Variants in KIF13A observed in about 807,000 individuals in gnomAD.
KIF13A encodes the protein kinesin-like protein KIF13A.
A neutral mutation model predicts 212.2 loss-of-function variants in KIF13A; 79 were observed. The ratio of observed to expected loss-of-function variants is 0.37; its 90% CI spans 0.31 to 0.45. The LOEUF (loss-of-function observed/expected upper bound fraction) is 0.45, where lower values mean the gene tolerates loss of function less well. Among genes scored for constraint, KIF13A ranks in the 20% least tolerant of loss-of-function variants. The pLI is 1.00. For synonymous variants in KIF13A, 789 were observed against 808.6 expected, an observed-to-expected ratio of 0.98 and a Z score of 0.41; for missense variants, 1,901 against 2,209.0, an observed-to-expected ratio of 0.86 and a Z score of 2.79.
chr6:17,938,849 G>A (rs1300079436), intron 2 of KIF13A, among the ~76,000 whole-genome samples: 3 of 142,400 alleles, frequency 2.1e-5, no homozygotes, highest in Non-Finnish European at 4.5e-5. Context: ...ACCCAGCAAC[G>A]AAAAAGTTGT....
chr6:17,936,499 AC>A, intron 2 of KIF13A: 1 of 154,298 alleles, frequency 6.5e-6, no homozygotes, highest in Admixed American at 6.5e-5. Flanking sequence ...TCACACACAC[AC>A]ATGTGCAAGT....
intron 2 of KIF13A, among the ~76,000 whole-genome samples, chr6:17,978,870 TA>T (rs1780816507): frequency 6.6e-6 from 1 of 152,228 alleles, no homozygotes; most frequent in South Asian, 2.1e-4. Context: ...AGAGGGATGA[TA>T]AACTAGCTAT....
intron 11 of KIF13A, 48 bp downstream of exon 11, chr6:17,836,830 C>T: frequency 1.3e-6 from 2 of 1,565,256 alleles, no homozygotes; most frequent in Non-Finnish European, 1.8e-6. Context: ...CAGTCAAATC[C>T]CGCAAGCCAG....
chr6:17,954,300 T>G (rs1778150902), intron 2 of KIF13A, among the ~76,000 whole-genome samples: 1 of 86,586 alleles, frequency 1.2e-5, no homozygotes, highest in South Asian at 4.1e-4. Flanking sequence ...CGAGACTCCA[T>G]CTCAAAAAAA....
In KIF13A at chr6:17,837,682, T is replaced by A. The variant is rs1766096286; in HGVS notation, c.831-99A>T. On this transcript the variant is annotated intron_variant, in intron 9 of 38. Coordinates refer to ENST00000259711, the MANE Select transcript of KIF13A (RefSeq NM_022113.6). The surrounding 1 kb of genome is among the most constrained non-coding windows in gnomAD (Gnocchi z 5.4). ...AAGCTCCACAGTTAATACACGTTGG[T>A]GGCTCACGCCCGTAATCCCAGCACT... 6.0e-6 allele frequency: 5 copies of A among 834,844 alleles called. No individual in the cohort carries two copies. Among genetic ancestry groups the A allele is most frequent in the African/African-American group, 3.4e-5 (2 of 58,608 alleles). 51.7% of individuals were successfully genotyped at this position (834,844 alleles called of 1,614,324 possible).
At chr6:17,960,927 C>T (rs1397530039) in intron 2 of KIF13A, among the ~76,000 whole-genome samples, 4 of 152,146 alleles carry the variant, frequency 2.6e-5, no homozygotes, top group African/African-American at 9.7e-5. Flanking sequence ...GTACCGAACA[C>T]TGCACTAGAC....
intron 2 of KIF13A, among the ~76,000 whole-genome samples, chr6:17,953,129 CATATA>C (rs562381232): frequency 2.6e-5 from 4 of 152,026 alleles, no homozygotes; most frequent in South Asian, 2.1e-4. Flanking sequence ...ATCATTCATC[CATATA>C]ATATAATATA....
chr6:17,820,804 C>A (rs1411833966), intron 16 of KIF13A, among the ~76,000 whole-genome samples: 1 of 152,100 alleles, frequency 6.6e-6, no homozygotes, highest in Non-Finnish European at 1.5e-5. Context: ...GAGCTCAAAC[C>A]GACCCATCAT....
intron 2 of KIF13A, chr6:17,950,950 TTTC>T (rs1777793608): frequency 4.1e-6 from 4 of 973,358 alleles, no homozygotes; most frequent in Non-Finnish European, 4.9e-6. Context: ...CTTTTAAAAC[TTTC>T]TTAATTTTAA....
At chr6:17,803,210 A>G (rs1224876900) in intron 20 of KIF13A, among the ~76,000 whole-genome samples, 4 of 152,112 alleles carry the variant, frequency 2.6e-5, no homozygotes, top group African/African-American at 9.7e-5. Context: ...CAGGGATTAC[A>G]GGCGTGAGCC....
rs1760239087 is a variant in KIF13A, at chr6:17,778,976, T to C, written c.4063A>G (p.Asn1355Asp). 1 of 1,607,360 alleles carries C rather than the reference T, an allele frequency of 6.2e-7. No individual in the cohort carries two copies. Among genetic ancestry groups the C allele is most frequent in the Non-Finnish European group, 8.5e-7 (1 of 1,177,022 alleles). The part of the protein sequence containing the change: ...KYTRGVLQVE[N>D]ILSLERLRQA... ...CGGAGCCGTTCAAGACTCAGAATGT[T>C]TTCCACCTGCAGCACGCCTCGAGTG... is the stretch of plus-strand genomic sequence containing the variant. Residue 1355 changes from asparagine (N) to aspartate (D), a missense_variant, in exon 33 of 39, where the codon AAC becomes GAC. Asn to Asp is a conservative substitution (Grantham distance 23). This residue lies in a region of KIF13A where 687 missense variants were observed against 759.1 expected (regional missense o/e 0.90). Coordinates refer to ENST00000259711, the MANE Select transcript of KIF13A (RefSeq NM_022113.6).
At chr6:17,957,719 G>C (rs1324369371) in intron 2 of KIF13A, among the ~76,000 whole-genome samples, 2 of 152,150 alleles carry the variant, frequency 1.3e-5, no homozygotes, top group African/African-American at 4.8e-5. Context: ...ACTGCTTGTT[G>C]GTGGGGGAAA....
chr6:17,981,173 C>T (rs1781040678), intron 2 of KIF13A, among the ~76,000 whole-genome samples: 1 of 151,750 alleles, frequency 6.6e-6, no homozygotes, highest in South Asian at 2.1e-4. Context: ...GTTTATGACT[C>T]ATTAGTGGGT....
At position 17,800,083 on chromosome 6, in the gene KIF13A, G is replaced by A; in HGVS notation, c.2485C>T (p.Arg829Cys). ...CGCTCTGGAACAGCTCCTGTAACAC[G>A]CATCACTTCCACGTGGAGACGCCCT... The part of the protein sequence containing the change: ...VAGRLHVEVM[R>C]VTGAVPERVV... Residue 829 changes from arginine (R) to cysteine (C), a missense_variant, in exon 21 of 39, where the codon CGT becomes TGT. This residue lies in a region of KIF13A where 534 missense variants were observed against 536.9 expected (regional missense o/e 0.99). Coordinates refer to ENST00000259711, the MANE Select transcript of KIF13A (RefSeq NM_022113.6). 1 of 1,613,744 alleles carries A rather than the reference G, an allele frequency of 6.2e-7. No homozygotes were observed. The highest frequency in any genetic ancestry group is 8.5e-7 in the Non-Finnish European group (1 of 1,179,822).
chr6:17,775,299 T>C (rs183939392), intron 34 of KIF13A, among the ~76,000 whole-genome samples: 2 of 152,334 alleles, frequency 1.3e-5, no homozygotes, highest in Non-Finnish European at 2.9e-5. Context: ...ATTTTGCATA[T>C]TTTATGCTTC....
chr6:17,862,406 A>G (rs2150415733), intron 4 of KIF13A, among the ~76,000 whole-genome samples: 1 of 152,340 alleles, frequency 6.6e-6, no homozygotes, highest in African/African-American at 2.4e-5. Context: ...TCTTTAATCA[A>G]CTATAATTCA....
chr6:17,826,083 A>T lies in KIF13A; in HGVS notation c.1574T>A (p.Leu525Gln), dbSNP rs1303793917. The change falls in exon 15 of 39, where the codon CTG (leucine) becomes CAG (glutamine). Residue 525 changes from leucine (L) to glutamine (Q), a missense_variant. By Grantham distance (113) the Leu-to-Gln change is moderately radical. Transcript: ENST00000259711. This position sits in a 1 kb window ranked among gnomAD's most constrained non-coding sequence, Gnocchi z 4.7. ...CCATAGGATTCGGTCACCATGCCAC[A>T]GCTGGGTGGTACTGCACACAAGGGT... ...NGTLVCSTTQ[L>Q]WHGDRILWGN... 1.9e-6 allele frequency: 3 copies of T among 1,613,928 alleles called. No homozygotes were observed.
chr6:17,859,882 GC>G (rs1768571238), intron 4 of KIF13A, among the ~76,000 whole-genome samples: 1 of 151,530 alleles, frequency 6.6e-6, no homozygotes, highest in Non-Finnish European at 1.5e-5. Context: ...TGATCCACCC[GC>G]CTTGGCCTCC....
In KIF13A at chr6:17,895,371, G is replaced by A. The variant is rs577281968; in HGVS notation, c.159+2797C>T. 3.3e-5 allele frequency among the ~76,000 whole-genome samples: 5 copies of A among 152,138 alleles called. No individual in the cohort carries two copies. The highest frequency in any genetic ancestry group is 4.8e-5 in the African/African-American group (2 of 41,438). ...ACATTGTATTTTTAAAACAGTTTGT[G>A]GAATCACTAAAGACTTAGGATTTCA... On this transcript the variant is annotated intron_variant, in intron 3 of 38. Coordinates refer to ENST00000259711, the MANE Select transcript of KIF13A (RefSeq NM_022113.6). The surrounding 1 kb of genome is among the most constrained non-coding windows in gnomAD (Gnocchi z 4.4).
Sources: allele counts gnomAD v4.1 joint callset (sites outside exome capture counted in the v4.1 genomes callset), GRCh38; gene constraint gnomAD v4.1.1; regional missense constraint gnomAD v4.1.1; non-coding constraint Gnocchi (gnomAD v3.1); transcripts MANE v1.5; gene names NCBI Gene and HGNC (gene_info 2026-07-23, HGNC 2026-07-21).